Variants in VPS8 observed in about 807,000 individuals in gnomAD.
VPS8 encodes vacuolar protein sorting-associated protein 8 homolog.
A neutral mutation model predicts 216.4 loss-of-function variants in VPS8; 129 were observed. The ratio of observed to expected loss-of-function variants is 0.60; its 90% CI spans 0.52 to 0.69. The LOEUF (loss-of-function observed/expected upper bound fraction) is 0.69. VPS8 is among the 30% of genes least tolerant of loss of function. VPS8 has a pLI of 0.00. For missense variants in VPS8, 1,531 were observed against 1,683.5 expected, an observed-to-expected ratio of 0.91 and a Z score of 1.59; for synonymous variants, 571 against 565.4, an observed-to-expected ratio of 1.01 and a Z score of -0.14.
At chr3:184,831,892 C>G (rs948689149) in intron 3 of VPS8, among the ~76,000 whole-genome samples, 1 of 152,174 alleles carries the variant, frequency 6.6e-6, no homozygotes, top group African/African-American at 2.4e-5. Context: ...TCATACTGCC[C>G]CACCTATCTT....
At chr3:184,917,121 C>T (rs539465078) in intron 28 of VPS8, among the ~76,000 whole-genome samples, 5 of 152,082 alleles carry the variant, frequency 3.3e-5, no homozygotes, top group Non-Finnish European at 5.9e-5. Context: ...CCTACTGGAA[C>T]GTTAGGGAAT....
rs538822258 is a variant in VPS8, at chr3:184,833,552, A to G, written c.353+733A>G. ...AAATGTTTTTGATGATCTGGTCACT[A>G]CCTGCTTAAAAGATATGGTATCATC... On this transcript the variant is annotated intron_variant, in intron 4 of 47. Coordinates refer to ENST00000625842, the MANE Select transcript of VPS8 (RefSeq NM_001009921.3). 3.3e-5 allele frequency among the ~76,000 whole-genome samples: 5 copies of G among 152,298 alleles called. No individual in the cohort carries two copies. In the South Asian group the frequency reaches 6.2e-4, roughly 19 times the overall value.
chr3:185,047,941 A>G (rs563330885), intron 46 of VPS8, among the ~76,000 whole-genome samples: 68 of 152,294 alleles, frequency 4.5e-4, no homozygotes, highest in African/African-American at 1.2e-3. Flanking sequence ...CACCACAATA[A>G]CAGGTGGAAC....
At chr3:184,852,609 G>T in intron 11 of VPS8, 42 bp downstream of exon 11, 1 of 1,573,700 alleles carries the variant, frequency 6.4e-7, no homozygotes, top group South Asian at 1.1e-5. Flanking sequence ...GAAAAGACTA[G>T]CTCTGTTTTA....
At chr3:185,046,112 G>A (rs1334246222) in intron 46 of VPS8, among the ~76,000 whole-genome samples, 1 of 152,238 alleles carries the variant, frequency 6.6e-6, no homozygotes, top group Non-Finnish European at 1.5e-5. Flanking sequence ...AGCAGCAAAT[G>A]CATTTTTCCT....
intron 39 of VPS8, among the ~76,000 whole-genome samples, chr3:184,968,123 A>C (rs1347036080): frequency 6.6e-6 from 1 of 152,196 alleles, no homozygotes; most frequent in African/African-American, 2.4e-5. Flanking sequence ...CAAGTATCTC[A>C]TATGAATGAA....
chr3:184,923,239 C>T (rs2109157372), intron 29 of VPS8, among the ~76,000 whole-genome samples: 1 of 152,220 alleles, frequency 6.6e-6, no homozygotes, highest in African/African-American at 2.4e-5. Flanking sequence ...ATGAATTCAG[C>T]TCGCCCAAAA....
intron 46 of VPS8, among the ~76,000 whole-genome samples, chr3:185,028,478 A>T (rs1490642101): frequency 1.3e-5 from 2 of 152,202 alleles, no homozygotes; most frequent in African/African-American, 2.4e-5. Context: ...GACCACAAAG[A>T]GCCCCAGTCT....
At chr3:184,929,431 C>G in intron 32 of VPS8, 149 bp from the exon 33 acceptor site, 1 of 578,380 alleles carries the variant, frequency 1.7e-6, no homozygotes, top group Non-Finnish European at 3.0e-6. Flanking sequence ...CTCAAGCAGT[C>G]CTCTTGCCTC....
chr3:184,924,412 G>A (rs1399325628), intron 29 of VPS8, among the ~76,000 whole-genome samples: 1 of 152,100 alleles, frequency 6.6e-6, no homozygotes, highest in African/African-American at 2.4e-5. Context: ...AGCTACTTGG[G>A]AGGCTGAGGC....
intron 40 of VPS8, among the ~76,000 whole-genome samples, chr3:184,973,632 A>G (rs1240604176): frequency 6.6e-6 from 1 of 152,174 alleles, no homozygotes; most frequent in Non-Finnish European, 1.5e-5. Context: ...GTTTTGTTGA[A>G]CATTAGAACT....
At chr3:184,898,215 C>G (rs1357233894) in intron 23 of VPS8, among the ~76,000 whole-genome samples, 9 of 152,100 alleles carry the variant, frequency 5.9e-5, no homozygotes, top group African/African-American at 1.2e-4. Flanking sequence ...TTTATCTTAT[C>G]TAACACTTTA....
intron 37 of VPS8, among the ~76,000 whole-genome samples, chr3:184,961,129 T>C (rs1746432230): frequency 6.6e-6 from 1 of 152,222 alleles, no homozygotes; most frequent in Non-Finnish European, 1.5e-5. Flanking sequence ...GCCATAAAAC[T>C]TAATAGACTA....
intron 29 of VPS8, among the ~76,000 whole-genome samples, chr3:184,921,942 A>G (rs576370546): frequency 6.6e-6 from 1 of 152,268 alleles, no homozygotes; most frequent in East Asian, 1.9e-4. Flanking sequence ...ATACCCGTCT[A>G]AACTGTTGAA....
At chr3:185,016,939 G>A (rs1416063403) in intron 45 of VPS8, among the ~76,000 whole-genome samples, 1 of 151,908 alleles carries the variant, frequency 6.6e-6, no homozygotes, top group Non-Finnish European at 1.5e-5. Flanking sequence ...CATCAGAAAT[G>A]ATATCCTAAA....
At chr3:184,813,841 GAAGT>G (rs1267699195) in intron 1 of VPS8, 1 of 152,190 alleles carries the variant, frequency 6.6e-6, no homozygotes, top group African/African-American at 2.4e-5. Context: ...ATGTGAATGA[GAAGT>G]AAGATCTTTT....
At chr3:185,028,418 G>T (rs1757681731) in intron 46 of VPS8, among the ~76,000 whole-genome samples, 1 of 152,202 alleles carries the variant, frequency 6.6e-6, no homozygotes, top group Non-Finnish European at 1.5e-5. Flanking sequence ...CATGTCTTCA[G>T]TATAATGTGA....
At chr3:185,044,285 A>G (rs1328488311) in intron 46 of VPS8, among the ~76,000 whole-genome samples, 1 of 152,214 alleles carries the variant, frequency 6.6e-6, no homozygotes. Context: ...GACTGTCCCA[A>G]TTCAGATCTG....
At chr3:184,938,252 T>C (rs1303114026) in intron 35 of VPS8, among the ~76,000 whole-genome samples, 1 of 152,202 alleles carries the variant, frequency 6.6e-6, no homozygotes, top group Non-Finnish European at 1.5e-5. Flanking sequence ...ATGATAATGA[T>C]GAGGTCCATT....
Sources: gnomAD v4.1 joint callset for allele counts (sites outside exome capture counted in the v4.1 genomes callset) on GRCh38, gnomAD v4.1.1 for gene constraint, MANE v1.5 for transcripts, NCBI Gene and HGNC (gene_info 2026-07-23, HGNC 2026-07-21) for gene names.